The following CCDC141 variants were observed in gnomAD, a reference collection of about 807,000 sequenced individuals.
CCDC141 encodes coiled-coil domain containing 141.
In CCDC141, 168 loss-of-function variants were observed where a neutral mutation model predicts 181.0. The ratio of observed to expected loss-of-function variants is 0.93; its 90% CI spans 0.82 to 1.05. The LOEUF is 1.05. Ranked by LOEUF, CCDC141 falls within the 50% of genes least tolerant of loss-of-function variation. The pLI is 0.00. For synonymous variants in CCDC141, 666 were observed against 642.3 expected (o/e 1.04, Z -0.56); for missense variants, 1,902 against 1,788.5 (o/e 1.06, Z -1.14).
chr2:178,933,387 A>C (rs899479797), intron 6 of CCDC141, among the ~76,000 whole-genome samples: 7 of 152,330 alleles, frequency 4.6e-5, no homozygotes, highest in Admixed American at 4.6e-4. Context: ...GCATGAATAC[A>C]AATCCTCTTG....
At chr2:178,945,614 C>T (rs527327668) in intron 5 of CCDC141, among the ~76,000 whole-genome samples, 2 of 152,252 alleles carry the variant, frequency 1.3e-5, no homozygotes, top group East Asian at 3.9e-4. Context: ...TACAGCCCTG[C>T]CATCAGCGGG....
chr2:178,879,503 C>A (rs1243722249), intron 11 of CCDC141, among the ~76,000 whole-genome samples: 1 of 152,146 alleles, frequency 6.6e-6, no homozygotes, highest in Admixed American at 6.5e-5. Context: ...GATCTTTCCT[C>A]AATTTTCTTC....
intron 15 of CCDC141, 94 bp from the exon 16 acceptor site, chr2:178,868,299 C>T (rs140730627): frequency 2.4e-5 from 24 of 1,001,348 alleles, no homozygotes; most frequent in South Asian, 3.3e-5. Context: ...GCTAGCTGGT[C>T]GAAATGCTGC....
At position 178,830,606 on chromosome 2, in the gene CCDC141, G is replaced by GT. The variant is rs1459394964; in HGVS notation, c.*3566dup. On this transcript the variant is annotated 3_prime_UTR_variant, in exon 24 of 24. Coordinates refer to ENST00000443758, the MANE Select transcript of CCDC141 (RefSeq NM_173648.4). ...CTGGCAATACAATGACAACAGGGCT[G>GT]TCATGAATCCTGCTGATAAGGTTCT... The GT allele has an allele frequency of 6.6e-6, 1 of 152,226 alleles. No individual in the cohort carries two copies. The highest frequency in any genetic ancestry group is 6.5e-5 in the Admixed American group (1 of 15,268). The allele number at this position is 152,226 out of a possible 1,614,324, so 9.4% of individuals were successfully genotyped here. A position where few individuals can be genotyped will look rare whatever the true frequency, so the allele number is the denominator to read the frequency against.
rs1369549123 is a variant in CCDC141, at chr2:179,015,065, GAGATATATATATATATATATATAT to G, written c.225+32195_225+32218del. Among the ~76,000 whole-genome samples the G allele has an allele frequency of 6.4e-4, 7 of 10,976 alleles. 2 individuals carry two copies. Among genetic ancestry groups the G allele is most frequent in the African/African-American group, 1.8e-3 (7 of 3,812 alleles). The allele number at this position is 10,976 out of a possible 152,430, so 7.2% of individuals were successfully genotyped here. The stretch of plus-strand genomic sequence containing the variant: ...GAGTGGATAAACTGTGAGAGAGACA[GAGATATATATATATATATATATAT>G]ATATATATATATATAATATATATAT... On this transcript the variant is annotated intron_variant, in intron 2 of 23. Transcript: ENST00000443758.
intron 19 of CCDC141, among the ~76,000 whole-genome samples, 171 bp downstream of exon 19, chr2:178,855,176 T>G: frequency 6.6e-6 from 1 of 152,134 alleles, no homozygotes; most frequent in East Asian, 1.9e-4. Flanking sequence ...TTCATCCCCT[T>G]AGGTCCAGCA....
At chr2:179,039,104 G>A (rs978010108) in intron 2 of CCDC141, among the ~76,000 whole-genome samples, 2 of 152,074 alleles carry the variant, frequency 1.3e-5, no homozygotes, top group African/African-American at 4.8e-5. Flanking sequence ...AATATGGTTT[G>A]GAAATCTAGA....
chr2:178,989,289 C>G (rs1691911219), intron 2 of CCDC141, among the ~76,000 whole-genome samples: 1 of 151,976 alleles, frequency 6.6e-6, no homozygotes, highest in African/African-American at 2.4e-5. Flanking sequence ...ACAAAGAGCT[C>G]TTTCAACTTA....
intron 8 of CCDC141, among the ~76,000 whole-genome samples, chr2:178,904,633 C>T (rs927203941): frequency 1.3e-5 from 2 of 152,110 alleles, no homozygotes; most frequent in Non-Finnish European, 2.9e-5. Flanking sequence ...TTCATTTCTT[C>T]CGGGTCGATA....
At chr2:178,872,534 G>T (rs1416078390) in intron 12 of CCDC141, among the ~76,000 whole-genome samples, 1 of 152,156 alleles carries the variant, frequency 6.6e-6, no homozygotes, top group Non-Finnish European at 1.5e-5. Flanking sequence ...GACCCAAGGG[G>T]TGTTTGAATT....
intron 5 of CCDC141, among the ~76,000 whole-genome samples, chr2:178,949,388 C>G (rs1406711450): frequency 6.6e-6 from 1 of 152,060 alleles, no homozygotes; most frequent in Non-Finnish European, 1.5e-5. Context: ...GGTAACAGTT[C>G]AATAGACAGT....
intron 8 of CCDC141, among the ~76,000 whole-genome samples, chr2:178,901,474 T>C (rs1321425623): frequency 6.6e-6 from 1 of 152,044 alleles, no homozygotes. Flanking sequence ...ATAAATGTAA[T>C]CCAGCATATA....
chr2:178,923,609 A>G (rs1688800065), intron 6 of CCDC141, among the ~76,000 whole-genome samples: 1 of 152,018 alleles, frequency 6.6e-6, no homozygotes, highest in African/African-American at 2.4e-5. Flanking sequence ...TATTTCCAGT[A>G]CTTGTCCCCA....
In CCDC141 at chr2:178,978,579, T is replaced by A; in HGVS notation, c.322A>T (p.Thr108Ser). 1 of 1,550,054 alleles carries A rather than the reference T, an allele frequency of 6.5e-7. No homozygotes were observed. Among genetic ancestry groups the A allele is most frequent in the Non-Finnish European group, 8.7e-7 (1 of 1,146,754 alleles). Residue 108 changes from threonine (T) to serine (S), a missense_variant, in exon 3 of 24, where the codon ACT (threonine) becomes TCT (serine). Thr to Ser is a moderately conservative substitution (Grantham distance 58). Transcript: ENST00000443758. ...QSQVYDAMAE[T>S]LGEAWAALVS... ...AGAGCTGCCCATGCTTCACCCAGAG[T>A]CTCGGCCATGGCATCATAGACCTGA... is the stretch of plus-strand genomic sequence containing the variant.
rs200345391 is a variant in CCDC141 at position 178,954,812 on chromosome 2, C to CA, written c.780+6417dup. On this transcript the variant is annotated intron_variant, in intron 5 of 23. Transcript: ENST00000443758. ...TTCCCTTAAAGTAAGACAGAACTGA[C>CA]AAAAAAAAAACCAAAAAACTTTGCC... Among the ~76,000 whole-genome samples the CA allele has an allele frequency of 7.3e-3, 1,000 of 137,182 alleles. 6 individuals are homozygous for CA. Among genetic ancestry groups the CA allele is most frequent in the South Asian group, 0.04 (177 of 4,454 alleles). 90.0% of individuals were successfully genotyped at this position (137,182 alleles called of 152,430 possible). A position where few individuals can be genotyped will look rare whatever the true frequency, so the allele number is the denominator to read the frequency against.
chr2:179,000,055 TACACACACACACACACACACACACAC>T (rs67309651), intron 2 of CCDC141, among the ~76,000 whole-genome samples: 2 of 144,262 alleles, frequency 1.4e-5, no homozygotes, highest in Admixed American at 6.9e-5. Context: ...TTCATCACCA[TACACACACACACACACACACACACAC>T]ACACACACAC....
chr2:178,980,279 C>T (rs1575296237), intron 2 of CCDC141, among the ~76,000 whole-genome samples: 1 of 152,124 alleles, frequency 6.6e-6, no homozygotes, highest in Non-Finnish European at 1.5e-5. Flanking sequence ...GAAACGCCAT[C>T]TCTACTACAA....
At chr2:179,014,896 T>C (rs2042380641) in intron 2 of CCDC141, among the ~76,000 whole-genome samples, 1 of 151,538 alleles carries the variant, frequency 6.6e-6, no homozygotes, top group African/African-American at 2.4e-5. Context: ...AGAACTACCA[T>C]TTGATCCAGC....
intron 2 of CCDC141, among the ~76,000 whole-genome samples, chr2:179,018,144 G>A (rs1163732662): frequency 1.3e-5 from 2 of 152,022 alleles, no homozygotes; most frequent in African/African-American, 4.8e-5. Context: ...TACTTTTAAG[G>A]ACAGCCCATT....
Sources: gnomAD v4.1 joint callset for allele counts (sites outside exome capture counted in the v4.1 genomes callset) on GRCh38, gnomAD v4.1.1 for gene constraint, MANE v1.5 for transcripts, NCBI Gene and HGNC (gene_info 2026-07-23, HGNC 2026-07-21) for gene names.